The following NR2F1-AS1 variants were observed in gnomAD, a reference collection of about 807,000 sequenced individuals.
NR2F1-AS1 encodes the protein NR2F1 regulatory antisense RNA 1.
At chr5:93,501,319 TTTGTTGTTGTTGTTG>T (rs138163412) in intron 4 of NR2F1-AS1, among the ~76,000 whole-genome samples, 2,943 of 141,470 alleles carry the variant, frequency 0.021, 114 homozygotes, top group African/African-American at 0.074. Flanking sequence ...TAGTAAGGTT[TTTGTTGTTGTTGTTG>T]TTGTTGTTGT....
At chr5:93,455,768 C>G (rs1749931878) in intron 4 of NR2F1-AS1, among the ~76,000 whole-genome samples, 1 of 151,588 alleles carries the variant, frequency 6.6e-6, no homozygotes, top group Non-Finnish European at 1.5e-5. Flanking sequence ...ATAGAAAAAG[C>G]ATTTTTTCTG....
intron 4 of NR2F1-AS1, among the ~76,000 whole-genome samples, chr5:93,439,268 C>T (rs1156789385): frequency 6.6e-6 from 1 of 152,200 alleles, no homozygotes; most frequent in Non-Finnish European, 1.5e-5. Context: ...CACATCTTTT[C>T]CTTTTAGTTC....
upstream of NR2F1-AS1, among the ~76,000 whole-genome samples, chr5:93,582,633 CACTCT>C: frequency 6.6e-6 from 1 of 152,302 alleles, no homozygotes; most frequent in Non-Finnish European, 1.5e-5. Context: ...TTTTCAATGA[CACTCT>C]CTTCACGCTC....
chr5:93,494,390 G>T (rs961759142), intron 4 of NR2F1-AS1, among the ~76,000 whole-genome samples: 6 of 152,164 alleles, frequency 3.9e-5, no homozygotes, highest in African/African-American at 1.4e-4. Flanking sequence ...GAGCACTATT[G>T]GGAGGGCACT....
intron 4 of NR2F1-AS1, among the ~76,000 whole-genome samples, chr5:93,527,155 G>A (rs185793808): frequency 6.6e-6 from 1 of 152,252 alleles, no homozygotes; most frequent in African/African-American, 2.4e-5. Flanking sequence ...AAAGTCTCAG[G>A]ATACAAAATC....
At chr5:93,452,379 C>T (rs1474065597) in intron 4 of NR2F1-AS1, among the ~76,000 whole-genome samples, 3 of 152,172 alleles carry the variant, frequency 2.0e-5, no homozygotes, top group Non-Finnish European at 4.4e-5. Flanking sequence ...CCTCTGATTG[C>T]CCCAGCTTAT....
At chr5:93,520,235 T>C (rs1751475616) in intron 4 of NR2F1-AS1, among the ~76,000 whole-genome samples, 1 of 152,118 alleles carries the variant, frequency 6.6e-6, no homozygotes, top group Non-Finnish European at 1.5e-5. Context: ...AGTTGTTTAC[T>C]TTTGCATCTT....
At chr5:93,503,808 C>T (rs1751131992) in intron 4 of NR2F1-AS1, among the ~76,000 whole-genome samples, 1 of 152,204 alleles carries the variant, frequency 6.6e-6, no homozygotes, top group African/African-American at 2.4e-5. Context: ...GAGCAGAGGA[C>T]TTTTCAAGGC....
intron 4 of NR2F1-AS1, among the ~76,000 whole-genome samples, chr5:93,527,482 TC>T (rs1244009363): frequency 2.0e-5 from 3 of 151,962 alleles, no homozygotes; most frequent in Non-Finnish European, 4.4e-5. Flanking sequence ...CCTCACAGAA[TC>T]AGAAAAAAAC....
chr5:93,423,743 T>C (rs1338231271), intron 4 of NR2F1-AS1, among the ~76,000 whole-genome samples: 2 of 152,258 alleles, frequency 1.3e-5, no homozygotes, highest in Non-Finnish European at 2.9e-5. Flanking sequence ...ACCGTGCTCC[T>C]ATTATATGCC....
At chr5:93,534,185 C>T (rs914694980) in intron 4 of NR2F1-AS1, among the ~76,000 whole-genome samples, 2 of 152,058 alleles carry the variant, frequency 1.3e-5, no homozygotes, top group African/African-American at 4.8e-5. Context: ...TCATAAAGCA[C>T]CCTCACAAAA....
intron 4 of NR2F1-AS1, among the ~76,000 whole-genome samples, chr5:93,454,307 T>G (rs544413133): frequency 2.0e-5 from 3 of 151,908 alleles, no homozygotes; most frequent in Admixed American, 6.6e-5. Flanking sequence ...GAAGATAAAA[T>G]AAAAGAAAAA....
chr5:93,444,722 TC>T (rs1308964759), intron 4 of NR2F1-AS1, among the ~76,000 whole-genome samples: 6 of 152,148 alleles, frequency 3.9e-5, no homozygotes. Flanking sequence ...TACAGAACTC[TC>T]CACCCCAAAT....
At chr5:93,451,095 T>G (rs930199232) in intron 4 of NR2F1-AS1, among the ~76,000 whole-genome samples, 1 of 152,114 alleles carries the variant, frequency 6.6e-6, no homozygotes, top group Non-Finnish European at 1.5e-5. Context: ...TTTACTATCA[T>G]CCACCTGCCA....
intron 4 of NR2F1-AS1, among the ~76,000 whole-genome samples, chr5:93,446,058 A>T (rs1315501066): frequency 1.3e-5 from 2 of 152,206 alleles, no homozygotes; most frequent in Admixed American, 6.5e-5. Flanking sequence ...CATCAAAATA[A>T]TAAGAGCTGT....
At chr5:93,535,451 C>T (rs1430485685) in intron 4 of NR2F1-AS1, among the ~76,000 whole-genome samples, 4 of 151,842 alleles carry the variant, frequency 2.6e-5, no homozygotes, top group African/African-American at 9.7e-5. Context: ...TCAGCATATA[C>T]ATGACAACAT....
chr5:93,569,486 C>T (rs1752693790), intron 1 of NR2F1-AS1, among the ~76,000 whole-genome samples: 1 of 152,210 alleles, frequency 6.6e-6, no homozygotes, highest in African/African-American at 2.4e-5. Context: ...GTTTCCCTGA[C>T]TTTGAAGAAA....
chr5:93,448,053 G>A (rs139254676), intron 4 of NR2F1-AS1, among the ~76,000 whole-genome samples: 3,871 of 152,208 alleles, frequency 0.025, 78 homozygotes, highest in South Asian at 0.054. Context: ...CTGTCGTGGG[G>A]TGGAGGGAAG....
chr5:93,502,535 G>C (rs1028807297), intron 4 of NR2F1-AS1, among the ~76,000 whole-genome samples: 2 of 152,122 alleles, frequency 1.3e-5, no homozygotes, highest in Non-Finnish European at 2.9e-5. Context: ...TATGTGGTTT[G>C]GGGCCCATGT....
Sources: gnomAD v4.1 joint callset for allele counts (sites outside exome capture counted in the v4.1 genomes callset) on GRCh38, gnomAD v4.1.1 for gene constraint, MANE v1.5 for transcripts, NCBI Gene and HGNC (gene_info 2026-07-23, HGNC 2026-07-21) for gene names.